GRM5: variants seen among roughly 807,000 people sequenced by gnomAD.
GRM5 encodes the protein metabotropic glutamate receptor 5.
GRM5 carries 19 observed loss-of-function variants against 83.1 expected under a neutral mutation model. The observed-to-expected ratio is 0.23, with a 90% CI of 0.16 to 0.34. GRM5 has a LOEUF of 0.34. Among genes scored for constraint, GRM5 ranks in the 10% least tolerant of loss-of-function variants. The pLI is 1.00. For missense variants in GRM5, 1,160 were observed against 1,588.3 expected (o/e 0.73, Z 4.58); for synonymous variants, 675 against 633.6 (o/e 1.07, Z -0.98).
chr11:88,821,978 G>C (rs1943806043), intron 3 of GRM5, among the ~76,000 whole-genome samples: 1 of 151,770 alleles, frequency 6.6e-6, no homozygotes, highest in Admixed American at 6.6e-5. Context: ...TCTTTTTGAT[G>C]ACTCTTTCAT....
chr11:88,762,965 A>C (rs1271311106), intron 3 of GRM5, among the ~76,000 whole-genome samples: 5 of 152,008 alleles, frequency 3.3e-5, no homozygotes, highest in African/African-American at 9.7e-5. Flanking sequence ...GTGGGAGCTA[A>C]CTGATGAGAA....
At position 88,993,928 on chromosome 11, in the gene GRM5, G is replaced by T. The variant is rs149030969; in HGVS notation, c.661+53284C>A. ...TGTAGTTACCTCCATATGTTGCCCAGGCTGGTCTCAAGCTCCTAGGCTCAA... is the reference window on the plus strand; with the variant it reads ...TGTAGTTACCTCCATATGTTGCCCATGCTGGTCTCAAGCTCCTAGGCTCAA... On this transcript the variant is annotated intron_variant, in intron 2 of 9. Coordinates refer to ENST00000305447, the MANE Select transcript of GRM5 (RefSeq NM_001143831.3). Among the ~76,000 whole-genome samples, 1,185 of 152,188 alleles carry T rather than the reference G, an allele frequency of 7.8e-3. 11 individuals carry two copies. Among genetic ancestry groups the T allele is most frequent in the African/African-American group, 0.021 (855 of 41,530 alleles).
intron 2 of GRM5, among the ~76,000 whole-genome samples, chr11:88,884,893 C>A (rs1239547734): frequency 2.0e-5 from 3 of 152,098 alleles, no homozygotes; most frequent in African/African-American, 7.2e-5. Flanking sequence ...TTCATTAAAC[C>A]TTTTTCCTTA....
intron 2 of GRM5, among the ~76,000 whole-genome samples, chr11:89,004,252 G>A (rs1335031166): frequency 6.6e-6 from 1 of 152,204 alleles, no homozygotes; most frequent in Non-Finnish European, 1.5e-5. Flanking sequence ...TTATAAGAGA[G>A]ATGTCTAAGG....
chr11:88,749,961 C>T (rs1187569261), intron 3 of GRM5, among the ~76,000 whole-genome samples: 3 of 152,014 alleles, frequency 2.0e-5, no homozygotes, highest in Non-Finnish European at 2.9e-5. Flanking sequence ...AAGGAAAAAC[C>T]GTTGCCAGCT....
chr11:88,989,841 C>T (rs1439341185), intron 2 of GRM5, among the ~76,000 whole-genome samples: 14 of 151,634 alleles, frequency 9.2e-5, no homozygotes, highest in Admixed American at 9.2e-4. Context: ...ATACCAGAAT[C>T]TCTGGGACGC....
chr11:89,061,667 T>C (rs1400450314), intron 1 of GRM5, among the ~76,000 whole-genome samples: 1 of 152,224 alleles, frequency 6.6e-6, no homozygotes, highest in African/African-American at 2.4e-5. Flanking sequence ...CCCTGGGTGT[T>C]TGTCATCATG....
At chr11:88,901,934 C>A (rs2047508) in intron 2 of GRM5, among the ~76,000 whole-genome samples, 2,508 of 152,208 alleles carry the variant, frequency 0.016, 43 homozygotes, top group East Asian at 0.065. Context: ...CATAGTTGAG[C>A]GAGGTTTTTC....
At chr11:88,919,450 T>C (rs1945653219) in intron 2 of GRM5, among the ~76,000 whole-genome samples, 2 of 151,122 alleles carry the variant, frequency 1.3e-5, no homozygotes, top group South Asian at 2.1e-4. Context: ...ATAATAATAG[T>C]TGGAGGCTTC....
intron 2 of GRM5, among the ~76,000 whole-genome samples, chr11:88,911,105 C>T (rs1945489991): frequency 6.6e-6 from 1 of 151,990 alleles, no homozygotes; most frequent in South Asian, 2.1e-4. Context: ...TTGATTTTTC[C>T]ATGCAAGTCA....
intron 3 of GRM5, among the ~76,000 whole-genome samples, chr11:88,747,011 A>G (rs1197040980): frequency 2.6e-5 from 4 of 152,204 alleles, no homozygotes; most frequent in South Asian, 4.1e-4. Context: ...GAAATGAACA[A>G]GATTCACAAA....
chr11:88,812,692 A>G (rs948487732), intron 3 of GRM5, among the ~76,000 whole-genome samples: 1 of 152,158 alleles, frequency 6.6e-6, no homozygotes, highest in African/African-American at 2.4e-5. Flanking sequence ...AATAAAATGC[A>G]AAGACACCTA....
chr11:88,869,389 CA>C (rs5793354), intron 2 of GRM5, among the ~76,000 whole-genome samples: 3,953 of 151,392 alleles, frequency 0.026, 177 homozygotes, highest in African/African-American at 0.089. Flanking sequence ...ATTATTGATA[CA>C]AAAAATGGTA....
rs1945735576 is a variant in GRM5, at chr11:88,923,814, A to G, written c.662-73659T>C. On this transcript the variant is annotated intron_variant, in intron 2 of 9. Coordinates refer to ENST00000305447, the MANE Select transcript of GRM5 (RefSeq NM_001143831.3). Reference sequence around the variant, plus strand: ...TGTATCAAAATATCTCATGTACCCCATGAATATATATATTCGTATACCTGA... The same window carrying G: ...TGTATCAAAATATCTCATGTACCCCGTGAATATATATATTCGTATACCTGA... Among the ~76,000 whole-genome samples, 3 of 149,840 alleles carry G rather than the reference A, an allele frequency of 2.0e-5. No homozygotes were observed. The South Asian group carries it at 6.3e-4, about 31-fold the overall frequency.
intron 7 of GRM5, among the ~76,000 whole-genome samples, chr11:88,568,858 T>A (rs1942925899): frequency 1.3e-5 from 2 of 152,216 alleles, no homozygotes; most frequent in Admixed American, 1.3e-4. Flanking sequence ...AGTTCATTTT[T>A]ATAAGAAAAC....
intron 8 of GRM5, among the ~76,000 whole-genome samples, chr11:88,535,301 G>A (rs1942109376): frequency 6.6e-6 from 1 of 152,104 alleles, no homozygotes; most frequent in South Asian, 2.1e-4. Context: ...AATGATCATG[G>A]GAGAGAGTCT....
intron 3 of GRM5, among the ~76,000 whole-genome samples, chr11:88,657,396 A>C (rs912953944): frequency 5.9e-5 from 9 of 152,142 alleles, no homozygotes; most frequent in Admixed American, 3.3e-4. Flanking sequence ...TAAAATAGAA[A>C]AATCATTCTT....
At chr11:89,059,272 T>C (rs1325571768) in intron 1 of GRM5, among the ~76,000 whole-genome samples, 3 of 152,208 alleles carry the variant, frequency 2.0e-5, no homozygotes, top group Non-Finnish European at 4.4e-5. Context: ...GTCTTTCTTT[T>C]ACACTTCTTC....
intron 2 of GRM5, among the ~76,000 whole-genome samples, chr11:88,932,089 T>A (rs1354599907): frequency 3.9e-5 from 6 of 151,952 alleles, no homozygotes; most frequent in Admixed American, 2.0e-4. Flanking sequence ...TCTCACAAAG[T>A]TTTATTGGGT....
Sources: gnomAD v4.1 joint callset for allele counts (sites outside exome capture counted in the v4.1 genomes callset) on GRCh38, gnomAD v4.1.1 for gene constraint, MANE v1.5 for transcripts, NCBI Gene and HGNC (gene_info 2026-07-23, HGNC 2026-07-21) for gene names.